ALDH1L1: variants seen among roughly 807,000 people sequenced by gnomAD.
ALDH1L1 encodes aldehyde dehydrogenase 1 family member L1.
In ALDH1L1, 68 loss-of-function variants were observed where a neutral mutation model predicts 101.1. That is an observed-to-expected ratio of 0.67 (90% CI 0.55 to 0.82). ALDH1L1 has a LOEUF of 0.82. Ranked by LOEUF, ALDH1L1 falls within the 40% of genes least tolerant of loss-of-function variation. The pLI, the probability that ALDH1L1 is intolerant of heterozygous loss-of-function variation, is 0.00. For synonymous variants in ALDH1L1, 486 were observed against 470.8 expected (o/e 1.03, Z -0.42); for missense variants, 1,087 against 1,172.7 (o/e 0.93, Z 1.07).
chr3:126,117,048 A>G (rs1024989881), intron 17 of ALDH1L1, among the ~76,000 whole-genome samples: 2 of 152,218 alleles, frequency 1.3e-5, no homozygotes, highest in East Asian at 3.9e-4. Flanking sequence ...GTTCGAGACC[A>G]GGCTGGGCAA....
At chr3:126,112,613 A>G (rs1946113471) in intron 19 of ALDH1L1, among the ~76,000 whole-genome samples, 169 bp downstream of exon 19, 2 of 152,124 alleles carry the variant, frequency 1.3e-5, no homozygotes, top group African/African-American at 4.8e-5. Flanking sequence ...AATCCAGTGA[A>G]GACTCAGCAC....
chr3:126,153,397 G>A (rs376869751), intron 7 of ALDH1L1, 47 bp downstream of exon 7: 1 of 1,608,756 alleles, frequency 6.2e-7, no homozygotes. Flanking sequence ...AAGGACAGGA[G>A]CATGGGTGGC....
At position 126,103,855 on chromosome 3, in the gene ALDH1L1, C is replaced by T. The variant is rs777375795; in HGVS notation, c.2654-9G>A. ...GTTCAGAGCCGCCTCTCCTGTAAGA[C>T]ACCACAAAGGTCACAGCAGCTCCCA... is the stretch of plus-strand genomic sequence containing the variant. On this transcript the variant is annotated splice_polypyrimidine_tract_variant and intron_variant, in intron 22 of 22. Coordinates refer to ENST00000393434, the MANE Select transcript of ALDH1L1 (RefSeq NM_012190.4). 12 of 1,612,962 alleles carry T rather than the reference C, an allele frequency of 7.4e-6. No homozygotes were observed. In the South Asian group the frequency reaches 1.1e-4, roughly 15 times the overall value.
chr3:126,112,857 G>A lies in ALDH1L1; in HGVS notation c.2106C>T (p.Asn702=). The A allele has an allele frequency of 6.2e-7, 1 of 1,613,504 alleles. No individual in the cohort carries two copies. The highest frequency in any genetic ancestry group is 1.3e-5 in the African/African-American group (1 of 75,052). The change falls in exon 19 of 23, where the codon AAC becomes AAT. Residue 702 remains asparagine (N), a synonymous_variant. Transcript: ENST00000393434. ...VQMGMSSVFF[N]KGENCIAAGR... Reference sequence around the variant, plus strand: ...CTGCTGCAATGCAATTCTCTCCTTTGTTGAAGAAAACAGAACTCATCCCCT... The same window carrying A: ...CTGCTGCAATGCAATTCTCTCCTTTATTGAAGAAAACAGAACTCATCCCCT...
intron 1 of ALDH1L1, among the ~76,000 whole-genome samples, chr3:126,161,718 A>AT (rs1176749705): frequency 1.3e-5 from 2 of 150,706 alleles, no homozygotes; most frequent in African/African-American, 2.4e-5. Context: ...CGAAAATAAG[A>AT]TTTTATTTTG....
rs755783175 is a variant in ALDH1L1 at position 126,105,751 on chromosome 3, T to A, written c.2628A>T (p.Lys876Asn). The change falls in exon 22 of 23, where the codon AAA (lysine) becomes AAT (asparagine). Residue 876 changes from lysine to asparagine, a missense_variant. Lys to Asn is a moderately conservative substitution (Grantham distance 94, BLOSUM62 0). Around this residue, in one of 2 missense-constraint regions of ALDH1L1, gnomAD observed 442 missense variants for 535.7 expected, o/e 0.83. Transcript: ENST00000393434. ...CTAGATCTTTGCCAAATCCAGACTGTTTGAATCCTCCGAAGGGAGCGGCCA... is the reference window on the plus strand; with the variant it reads ...CTAGATCTTTGCCAAATCCAGACTGATTGAATCCTCCGAAGGGAGCGGCCA... ...TDVAAPFGGF[K>N]QSGFGKDLGE... 38 of 1,614,006 alleles carry A rather than the reference T, an allele frequency of 2.4e-5. No homozygotes were observed. Among genetic ancestry groups the A allele is most frequent in the Non-Finnish European group, 3.1e-5 (36 of 1,180,032 alleles).
At chr3:126,130,365 C>G in intron 13 of ALDH1L1, 72 bp from the exon 14 acceptor site, 1 of 1,362,924 alleles carries the variant, frequency 7.3e-7, no homozygotes, top group South Asian at 1.6e-5. Context: ...CAGCAAGTCT[C>G]CACCAGGGTC....
intron 5 of ALDH1L1, 25 bp downstream of exon 5, chr3:126,155,377 G>C: frequency 6.2e-7 from 1 of 1,600,440 alleles, no homozygotes; most frequent in Non-Finnish European, 8.5e-7. Context: ...GGCAGGATGA[G>C]GGTGTGGAGG....
intron 12 of ALDH1L1, among the ~76,000 whole-genome samples, chr3:126,133,872 A>G (rs971823446): frequency 1.3e-5 from 2 of 152,156 alleles, no homozygotes; most frequent in African/African-American, 4.8e-5. Context: ...CAGCTCCCCC[A>G]CGGTCTTTCC....
At chr3:126,150,242 C>A (rs1422481477) in intron 8 of ALDH1L1, among the ~76,000 whole-genome samples, 164 bp downstream of exon 8, 1 of 152,218 alleles carries the variant, frequency 6.6e-6, no homozygotes, top group Non-Finnish European at 1.5e-5. Flanking sequence ...AGCAAGAAGA[C>A]AACAGAAAGC....
intron 9 of ALDH1L1, among the ~76,000 whole-genome samples, chr3:126,143,337 G>A (rs1297984352): frequency 6.6e-6 from 1 of 152,222 alleles, no homozygotes; most frequent in Non-Finnish European, 1.5e-5. Context: ...TGGGTGGGCA[G>A]TGCATACACC....
chr3:126,111,800 G>A (rs1168338448), intron 19 of ALDH1L1, among the ~76,000 whole-genome samples: 2 of 152,234 alleles, frequency 1.3e-5, no homozygotes, highest in East Asian at 3.9e-4. Flanking sequence ...TATCCACTGG[G>A]ATTAGATGCT....
intron 1 of ALDH1L1, among the ~76,000 whole-genome samples, chr3:126,193,602 C>T (rs574462187): frequency 4.6e-5 from 7 of 152,136 alleles, no homozygotes; most frequent in Admixed American, 2.0e-4. Context: ...ATGTTTCTTT[C>T]GGCTGGGCTC....
chr3:126,119,745 G>T (rs565518531), intron 16 of ALDH1L1, among the ~76,000 whole-genome samples: 1 of 152,262 alleles, frequency 6.6e-6, no homozygotes, highest in African/African-American at 2.4e-5. Flanking sequence ...CAAAGAACAG[G>T]TGTCCAAAAT....
intron 8 of ALDH1L1, among the ~76,000 whole-genome samples, chr3:126,148,323 C>T (rs1050840446): frequency 6.6e-6 from 1 of 152,202 alleles, no homozygotes; most frequent in African/African-American, 2.4e-5. Flanking sequence ...CTGCCATGGG[C>T]AGCAACTGCC....
intron 16 of ALDH1L1, among the ~76,000 whole-genome samples, chr3:126,123,568 CTT>C (rs2108216728): frequency 6.7e-6 from 1 of 148,654 alleles, no homozygotes; most frequent in Non-Finnish European, 1.5e-5. Flanking sequence ...ATCACCAAAA[CTT>C]TTTCAAATGC....
intron 21 of ALDH1L1, among the ~76,000 whole-genome samples, chr3:126,106,398 G>A (rs961769129): frequency 2.6e-5 from 4 of 152,180 alleles, no homozygotes; most frequent in African/African-American, 9.7e-5. Flanking sequence ...TGAGGACGAG[G>A]CACGATTTTG....
intron 4 of ALDH1L1, among the ~76,000 whole-genome samples, chr3:126,156,922 T>C (rs1383473220): frequency 6.6e-6 from 1 of 152,166 alleles, no homozygotes; most frequent in Non-Finnish European, 1.5e-5. Context: ...ATCTTTCCTC[T>C]AATTCAGGGC....
intron 2 of ALDH1L1, 76 bp downstream of exon 2, chr3:126,160,777 C>G: frequency 6.4e-7 from 1 of 1,573,596 alleles, no homozygotes; most frequent in Non-Finnish European, 8.6e-7. Context: ...CTCCCAGACT[C>G]CCACCTACTG....
Sources: gnomAD v4.1 joint callset for allele counts (sites outside exome capture counted in the v4.1 genomes callset) on GRCh38, gnomAD v4.1.1 for gene constraint, gnomAD v4.1.1 regional missense constraint, MANE v1.5 for transcripts, NCBI Gene and HGNC (gene_info 2026-07-23, HGNC 2026-07-21) for gene names.